The following ADAMTSL1 variants were observed in gnomAD, a reference collection of about 807,000 sequenced individuals.
ADAMTSL1 encodes the protein ADAMTS like 1.
ADAMTSL1 carries 126 observed loss-of-function variants against 201.8 expected under a neutral mutation model. The ratio of observed to expected loss-of-function variants is 0.62; its 90% CI spans 0.54 to 0.72. ADAMTSL1 has a LOEUF of 0.72. ADAMTSL1 is among the 30% of genes least tolerant of loss of function. The pLI, the probability that ADAMTSL1 is intolerant of heterozygous loss-of-function variation, is 0.00. For missense variants in ADAMTSL1, 2,679 were observed against 2,277.8 expected (o/e 1.18, Z -3.59); for synonymous variants, 1,121 against 903.4 (o/e 1.24, Z -4.32).
At chr9:18,602,150 T>C (rs1222829880) in intron 4 of ADAMTSL1, among the ~76,000 whole-genome samples, 2 of 152,220 alleles carry the variant, frequency 1.3e-5, no homozygotes, top group East Asian at 3.8e-4. Flanking sequence ...AAGGTAGTCA[T>C]ATCTTGAGTC....
At position 18,707,006 on chromosome 9, in the gene ADAMTSL1, G is replaced by A; in HGVS notation, c.1834G>A (p.Glu612Lys). ...GGATTTCGACGAGCTGTATGACTGGGAGTATGAGGGGTTCACCAAGTGCTC... is the reference window on the plus strand; with the variant it reads ...GGATTTCGACGAGCTGTATGACTGGAAGTATGAGGGGTTCACCAAGTGCTC... ...LQDFDELYDW[E>K]YEGFTKCSES... The change falls in exon 14 of 29, where the codon GAG becomes AAG. Residue 612 changes from glutamate to lysine, a missense_variant. Coordinates refer to ENST00000380548, the MANE Select transcript of ADAMTSL1 (RefSeq NM_001040272.6). 1.2e-6 allele frequency: 2 copies of A among 1,613,938 alleles called. No homozygotes were observed. The highest frequency in any genetic ancestry group is 8.5e-7 in the Non-Finnish European group (1 of 1,179,894).
chr9:18,178,784 C>T (rs964366631), intron 2 of ADAMTSL1, among the ~76,000 whole-genome samples: 13 of 152,146 alleles, frequency 8.5e-5, no homozygotes, highest in South Asian at 6.2e-4. Context: ...CCTCACATGG[C>T]CAGGTACTCC....
chr9:18,052,166 A>G (rs1736525159), intron 1 of ADAMTSL1, among the ~76,000 whole-genome samples: 1 of 152,208 alleles, frequency 6.6e-6, no homozygotes, highest in Admixed American at 6.5e-5. Flanking sequence ...GAGTCAGTCA[A>G]CAAATATTTA....
intron 1 of ADAMTSL1, among the ~76,000 whole-genome samples, chr9:18,145,559 C>G (rs1173249409): frequency 6.6e-6 from 1 of 152,102 alleles, no homozygotes; most frequent in Admixed American, 6.5e-5. Context: ...AAACATGCAA[C>G]AAAATGAACC....
chr9:18,041,844 C>A (rs1346340053), intron 1 of ADAMTSL1, among the ~76,000 whole-genome samples: 2 of 152,108 alleles, frequency 1.3e-5, no homozygotes, highest in Admixed American at 6.5e-5. Context: ...AACCCTTCAA[C>A]AGAGTAGTAC....
At chr9:18,099,551 T>C (rs1338123089) in intron 1 of ADAMTSL1, among the ~76,000 whole-genome samples, 1 of 150,806 alleles carries the variant, frequency 6.6e-6, no homozygotes, top group East Asian at 1.9e-4. Flanking sequence ...TAAATCTGTA[T>C]GTCGAAATTT....
chr9:18,292,914 T>C (rs1833330529), intron 2 of ADAMTSL1, among the ~76,000 whole-genome samples: 1 of 152,200 alleles, frequency 6.6e-6, no homozygotes, highest in South Asian at 2.1e-4. Flanking sequence ...TAAACTCCCT[T>C]TCATATATAC....
intron 19 of ADAMTSL1, among the ~76,000 whole-genome samples, chr9:18,787,204 C>T (rs537142852): frequency 1.3e-3 from 192 of 152,246 alleles, no homozygotes; most frequent in African/African-American, 4.5e-3. Context: ...ATGGAGATGA[C>T]AAATGTTTTT....
chr9:18,327,715 A>G (rs180795319), intron 2 of ADAMTSL1, among the ~76,000 whole-genome samples: 8 of 152,318 alleles, frequency 5.3e-5, no homozygotes, highest in African/African-American at 1.9e-4. Context: ...AGTGCCTTTG[A>G]GCTAATATAA....
chr9:18,579,764 G>T (rs1009649776), intron 4 of ADAMTSL1, among the ~76,000 whole-genome samples: 7 of 152,156 alleles, frequency 4.6e-5, no homozygotes, highest in African/African-American at 1.4e-4. Context: ...GCAGTGAATT[G>T]CATCCTGTAC....
chr9:18,448,999 G>T (rs1380605778), intron 2 of ADAMTSL1, among the ~76,000 whole-genome samples: 1 of 151,590 alleles, frequency 6.6e-6, no homozygotes, highest in Non-Finnish European at 1.5e-5. Context: ...AAATATATGG[G>T]GGTTTTCTTT....
chr9:18,590,388 A>G (rs1248855287), intron 4 of ADAMTSL1, among the ~76,000 whole-genome samples: 4 of 151,768 alleles, frequency 2.6e-5, no homozygotes, highest in African/African-American at 9.7e-5. Flanking sequence ...GATTTTAATT[A>G]TTTGAGTCTT....
At chr9:18,565,515 T>C (rs897476690) in intron 3 of ADAMTSL1, among the ~76,000 whole-genome samples, 8 of 149,954 alleles carry the variant, frequency 5.3e-5, no homozygotes, top group South Asian at 2.1e-4. Flanking sequence ...AGTTTTAAAC[T>C]ATACCTAGTA....
At chr9:18,431,796 T>C (rs1287100954) in intron 2 of ADAMTSL1, among the ~76,000 whole-genome samples, 1 of 152,116 alleles carries the variant, frequency 6.6e-6, no homozygotes, top group Non-Finnish European at 1.5e-5. Context: ...ATTGTCAAGA[T>C]CCTTGTAAAA....
intron 2 of ADAMTSL1, among the ~76,000 whole-genome samples, chr9:18,379,729 G>A (rs1206278727): frequency 6.6e-6 from 1 of 152,152 alleles, no homozygotes; most frequent in Non-Finnish European, 1.5e-5. Context: ...ATAGAAAAAT[G>A]ATGACTATGA....
rs980773828 is a variant in ADAMTSL1 at position 18,055,522 on chromosome 9, A to G, written c.88-108340A>G. ...AGCCCCTAAGATCTACTTGAATGTC[A>G]ATACATTAAATGCTTAATATATGTA... On this transcript the variant is annotated intron_variant, in intron 1 of 29. Coordinates refer to the ADAMTSL1 transcript ENST00000680146. Among the ~76,000 whole-genome samples the G allele has an allele frequency of 2.2e-4, 34 of 152,360 alleles. 1 individual carries two copies. In the Middle Eastern group the frequency reaches 0.01, roughly 46 times the overall value.
chr9:18,048,194 A>G (rs1419955856), intron 1 of ADAMTSL1, among the ~76,000 whole-genome samples: 1 of 152,188 alleles, frequency 6.6e-6, no homozygotes, highest in Non-Finnish European at 1.5e-5. Flanking sequence ...TCTTTGGGCT[A>G]TTCTTGAAAA....
upstream of ADAMTSL1, among the ~76,000 whole-genome samples, chr9:18,473,263 T>C (rs896256051): frequency 6.6e-6 from 1 of 152,174 alleles, no homozygotes; most frequent in African/African-American, 2.4e-5. Context: ...ATTCATCCTT[T>C]CTTTCTCTCC....
At chr9:18,283,314 C>G (rs1052160603) in intron 2 of ADAMTSL1, among the ~76,000 whole-genome samples, 1 of 152,046 alleles carries the variant, frequency 6.6e-6, no homozygotes, top group Non-Finnish European at 1.5e-5. Context: ...TTACTTTAAA[C>G]CTATCTTTAA....
Sources: gnomAD v4.1 joint callset for allele counts (sites outside exome capture counted in the v4.1 genomes callset) on GRCh38, gnomAD v4.1.1 for gene constraint, MANE v1.5 for transcripts, NCBI Gene and HGNC (gene_info 2026-07-23, HGNC 2026-07-21) for gene names.